Variants in BAIAP2L1 observed in about 807,000 individuals in gnomAD.
BAIAP2L1 encodes BAR/IMD domain containing adaptor protein 2 like 1.
A neutral mutation model predicts 66.3 loss-of-function variants in BAIAP2L1; 35 were observed. That is an observed-to-expected ratio of 0.53 (90% CI 0.40 to 0.70). The LOEUF (loss-of-function observed/expected upper bound fraction) is 0.70, where lower values mean the gene tolerates loss of function less well. Among genes scored for constraint, BAIAP2L1 ranks in the 30% least tolerant of loss-of-function variants. The pLI is 0.00. For missense variants in BAIAP2L1, 622 were observed against 656.9 expected, an observed-to-expected ratio of 0.95 and a Z score of 0.58; for synonymous variants, 269 against 248.7, an observed-to-expected ratio of 1.08 and a Z score of -0.77.
In BAIAP2L1 at chr7:98,394,340, T is replaced by C. The variant is rs377072632; in HGVS notation, c.51+6462A>G. On this transcript the variant is annotated intron_variant, in intron 1 of 13. Coordinates refer to ENST00000005260, the MANE Select transcript of BAIAP2L1 (RefSeq NM_018842.5). ...AGTTTTAGAGTCTAATGAACTTCAG[T>C]TTATGTCTTCCTCTAGTGACTACCA... Among the ~76,000 whole-genome samples the C allele has an allele frequency of 8.6e-4, 131 of 152,238 alleles. 3 individuals are homozygous for C. In the South Asian group the frequency reaches 0.025, roughly 29 times the overall value.
At chr7:98,377,868 C>T (rs1802670089) in intron 1 of BAIAP2L1, among the ~76,000 whole-genome samples, 1 of 144,592 alleles carries the variant, frequency 6.9e-6, no homozygotes, top group African/African-American at 2.5e-5. Flanking sequence ...TGGCTCACAC[C>T]TGTAATTCCA....
At chr7:98,314,724 T>C (rs922303005) in intron 7 of BAIAP2L1, among the ~76,000 whole-genome samples, 1 of 152,090 alleles carries the variant, frequency 6.6e-6, no homozygotes, top group Admixed American at 6.5e-5. Flanking sequence ...GAGCTGCCCG[T>C]GACCCCCGGA....
intron 1 of BAIAP2L1, among the ~76,000 whole-genome samples, chr7:98,379,514 C>A (rs1802710178): frequency 1.3e-5 from 2 of 152,214 alleles, no homozygotes; most frequent in South Asian, 4.1e-4. Context: ...GGCCTTCTAC[C>A]TACCAAGTCC....
chr7:98,348,355 T>C (rs1480178363), intron 3 of BAIAP2L1, among the ~76,000 whole-genome samples: 1 of 151,824 alleles, frequency 6.6e-6, no homozygotes, highest in African/African-American at 2.4e-5. Context: ...TCACTTGAGG[T>C]CAAGAGTTCA....
At position 98,306,482 on chromosome 7, in the gene BAIAP2L1, G is replaced by T. The variant is rs1800661810; in HGVS notation, c.1198C>A (p.Leu400Met). ...GWFPSSYTKL[L>M]EENETEAVTV... is the part of the protein sequence containing the mutation. ...ACTGCTTCTGTCTCATTTTCTTCCAGCAACTTCGTGTACGACGACGGGAAC... is the reference window on the plus strand; with the variant it reads ...ACTGCTTCTGTCTCATTTTCTTCCATCAACTTCGTGTACGACGACGGGAAC... Residue 400 changes from leucine to methionine, a missense_variant, in exon 11 of 14, where the codon CTG (leucine) becomes ATG (methionine). Leu to Met is a conservative substitution (Grantham distance 15). Coordinates refer to ENST00000005260, the MANE Select transcript of BAIAP2L1 (RefSeq NM_018842.5). 1 of 1,614,134 alleles carries T rather than the reference G, an allele frequency of 6.2e-7. No homozygotes were observed.
intron 1 of BAIAP2L1, among the ~76,000 whole-genome samples, chr7:98,368,489 G>C (rs910348799): frequency 6.6e-6 from 1 of 151,018 alleles, no homozygotes; most frequent in Admixed American, 6.6e-5. Context: ...TCAGAAGATC[G>C]ACACCATTCT....
chr7:98,360,732 T>G (rs1802251236), intron 2 of BAIAP2L1, among the ~76,000 whole-genome samples: 1 of 152,140 alleles, frequency 6.6e-6, no homozygotes, highest in Admixed American at 6.5e-5. Flanking sequence ...GCCTTGTGAC[T>G]AAGCAATCTT....
intron 3 of BAIAP2L1, among the ~76,000 whole-genome samples, chr7:98,348,897 TC>T (rs1381213770): frequency 6.6e-6 from 1 of 152,202 alleles, no homozygotes; most frequent in African/African-American, 2.4e-5. Flanking sequence ...CCCGAGCATC[TC>T]TTAGGTGCCA....
chr7:98,365,917 T>C (rs912366857), intron 1 of BAIAP2L1, among the ~76,000 whole-genome samples: 4 of 152,218 alleles, frequency 2.6e-5, no homozygotes, highest in Non-Finnish European at 5.9e-5. Flanking sequence ...TTGATATCCC[T>C]GTCTTTCATG....
chr7:98,317,743 G>C (rs4729432), intron 5 of BAIAP2L1, among the ~76,000 whole-genome samples: 37,354 of 150,036 alleles, frequency 0.25, 4,825 homozygotes, highest in East Asian at 0.46. Context: ...TGTTGGCTGG[G>C]GACGCTCACC....
intron 1 of BAIAP2L1, among the ~76,000 whole-genome samples, chr7:98,395,003 C>T (rs1191205722): frequency 1.6e-4 from 25 of 151,616 alleles, no homozygotes; most frequent in Non-Finnish European, 1.3e-4. Flanking sequence ...CCCAGCTACT[C>T]GGGAGGCTGA....
intron 1 of BAIAP2L1, among the ~76,000 whole-genome samples, chr7:98,393,510 T>A (rs539092512): frequency 1.9e-4 from 29 of 152,126 alleles, no homozygotes; most frequent in South Asian, 4.1e-4. Context: ...TTATTTATTT[T>A]TTTTTGAGAC....
At chr7:98,358,931 C>T (rs1213126872) in intron 2 of BAIAP2L1, among the ~76,000 whole-genome samples, 1 of 152,126 alleles carries the variant, frequency 6.6e-6, no homozygotes, top group Non-Finnish European at 1.5e-5. Flanking sequence ...CTTTGACCCA[C>T]GGGTTATCAG....
chr7:98,374,628 CTTT>C (rs995218970), intron 1 of BAIAP2L1, among the ~76,000 whole-genome samples: 1 of 149,770 alleles, frequency 6.7e-6, no homozygotes, highest in Non-Finnish European at 1.5e-5. Context: ...CTCTATAGTA[CTTT>C]TTTTTTTCTT....
intron 1 of BAIAP2L1, among the ~76,000 whole-genome samples, chr7:98,371,356 TG>T (rs1802506849): frequency 6.6e-6 from 1 of 152,204 alleles, no homozygotes; most frequent in Admixed American, 6.6e-5. Flanking sequence ...TCTAGGCTAA[TG>T]GTAATATCAC....
chr7:98,361,991 A>G (rs1377294765), intron 2 of BAIAP2L1, among the ~76,000 whole-genome samples: 1 of 152,248 alleles, frequency 6.6e-6, no homozygotes, highest in Non-Finnish European at 1.5e-5. Context: ...ATACATCTAA[A>G]GACAAGAAAT....
rs148849009 is a variant in BAIAP2L1 at position 98,305,200 on chromosome 7, T to C, written c.1242-824A>G. Among the ~76,000 whole-genome samples the C allele has an allele frequency of 1.7e-3, 252 of 151,468 alleles. 2 individuals are homozygous for C. The highest frequency in any genetic ancestry group is 0.012 in the East Asian group (63 of 5,078). Reference sequence around the variant, plus strand: ...GCCCCTGCGCCTGGCCAAAAAATTATTTAAAAGACATGACAAAAGGAGAGG... The same window carrying C: ...GCCCCTGCGCCTGGCCAAAAAATTACTTAAAAGACATGACAAAAGGAGAGG... On this transcript the variant is annotated intron_variant, in intron 11 of 13. Coordinates refer to ENST00000005260, the MANE Select transcript of BAIAP2L1 (RefSeq NM_018842.5).
Position 98,317,452 on chromosome 7 carries a change from G to T in BAIAP2L1, c.349-96C>A, listed in dbSNP as rs191345563. The T allele has an allele frequency of 2.5e-5, 37 of 1,487,440 alleles. No homozygotes were observed. In the African/African-American group the frequency reaches 4.1e-4, roughly 17 times the overall value. The allele number at this position is 1,487,440 out of a possible 1,614,324, so 92.1% of individuals were successfully genotyped here. A position where few individuals can be genotyped will look rare whatever the true frequency, so the allele number is the denominator to read the frequency against. ...ACACTTCCACTGTGTGTGGCTCAAC[G>T]GGGCCCTGACACCCTCACTTCACAC... On this transcript the variant is annotated intron_variant, in intron 5 of 13. Coordinates refer to ENST00000005260, the MANE Select transcript of BAIAP2L1 (RefSeq NM_018842.5).
chr7:98,357,020 AATATATAT>A (rs1554337327), intron 2 of BAIAP2L1, among the ~76,000 whole-genome samples: 1 of 28,098 alleles, frequency 3.6e-5, no homozygotes, highest in African/African-American at 2.3e-4. Context: ...AAAAAAAAAA[AATATATAT>A]ATATATATAT....
Sources: gnomAD v4.1 joint callset for allele counts (sites outside exome capture counted in the v4.1 genomes callset) on GRCh38, gnomAD v4.1.1 for gene constraint, MANE v1.5 for transcripts, NCBI Gene and HGNC (gene_info 2026-07-23, HGNC 2026-07-21) for gene names.